KMT2C: variants seen among roughly 807,000 people sequenced by gnomAD.
KMT2C encodes the protein histone-lysine N-methyltransferase 2C.
In KMT2C, 88 loss-of-function variants were observed where a neutral mutation model predicts 507.9. The ratio of observed to expected loss-of-function variants is 0.17; its 90% CI spans 0.15 to 0.21. The LOEUF is 0.21. KMT2C is among the 10% of genes least tolerant of loss of function. The pLI is 1.00. For missense variants in KMT2C, 4,954 were observed against 5,957.8 expected (o/e 0.83, Z 5.55); for synonymous variants, 2,049 against 2,080.8 (o/e 0.98, Z 0.42).
rs773200648 is a variant in KMT2C at position 152,146,740 on chromosome 7, A to G, written c.13895-5T>C. Reference sequence around the variant, plus strand: ...CCAAAATCTTATCCCAGACACCTACACAGGGACAAAAACATAATTTTTATA... The same window carrying G: ...CCAAAATCTTATCCCAGACACCTACGCAGGGACAAAAACATAATTTTTATA... On this transcript the variant is annotated splice_polypyrimidine_tract_variant and splice_region_variant and intron_variant, in intron 52 of 58. Coordinates refer to ENST00000262189, the MANE Select transcript of KMT2C (RefSeq NM_170606.3). 6.2e-7 allele frequency: 1 copy of G among 1,613,080 alleles called. No individual in the cohort carries two copies. The highest frequency in any genetic ancestry group is 1.1e-5 in the South Asian group (1 of 91,072).
chr7:152,399,707 T>C (rs1477259844), intron 1 of KMT2C, among the ~76,000 whole-genome samples: 5 of 150,304 alleles, frequency 3.3e-5, no homozygotes, highest in Non-Finnish European at 1.5e-5. Context: ...TACAATAGAG[T>C]TGACAGGTAA....
rs1563813210 is a variant in KMT2C, at chr7:152,309,981, G to A, written c.834C>T (p.Val278=). 2.5e-6 allele frequency: 4 copies of A among 1,608,274 alleles called. No homozygotes were observed. Among genetic ancestry groups the A allele is most frequent in the Non-Finnish European group, 2.6e-6 (3 of 1,174,816 alleles). Residue 278 remains valine (V), a synonymous_variant, in exon 6 of 59, where the codon GTC becomes GTT. Coordinates refer to ENST00000262189, the MANE Select transcript of KMT2C (RefSeq NM_170606.3). Reference sequence around the variant, plus strand: ...GTCTACTTACTTCTGTGCTCCCTGAGACAACAGCTTTGTCCACGTTCACTA... The same window carrying A: ...GTCTACTTACTTCTGTGCTCCCTGAAACAACAGCTTTGTCCACGTTCACTA... The part of the protein sequence containing the change: ...PLLVNVDKAV[V]SGSTERCAFC...
rs2129118320 is a variant in KMT2C, at chr7:152,180,100, G to C, written c.7176C>G (p.Leu2392=). ...CAATCTTCTTCTGCTGTTGCTGCTG[G>C]AGAATGATTTCACGTAACTTCTGCC... The part of the protein sequence containing the change: ...RQRQKLREII[L]QQQQQKKIAG... The change falls in exon 37 of 59, where the codon CTC becomes CTG. Residue 2392 remains leucine (L), a synonymous_variant. Transcript: ENST00000262189. The C allele has an allele frequency of 6.2e-7, 1 of 1,614,174 alleles. No homozygotes were observed. The highest frequency in any genetic ancestry group is 8.5e-7 in the Non-Finnish European group (1 of 1,180,038).
At chr7:152,216,639 T>A (rs1008134284) in intron 23 of KMT2C, among the ~76,000 whole-genome samples, 6 of 152,206 alleles carry the variant, frequency 3.9e-5, no homozygotes, top group African/African-American at 1.4e-4. Flanking sequence ...TATATACTCT[T>A]TCATTATAAT....
intron 3 of KMT2C, among the ~76,000 whole-genome samples, chr7:152,323,633 T>C (rs2096791800): frequency 7.2e-6 from 1 of 138,278 alleles, no homozygotes; most frequent in Non-Finnish European, 1.5e-5. Context: ...AGTGACACCC[T>C]TTCAAAGAAA....
intron 1 of KMT2C, among the ~76,000 whole-genome samples, chr7:152,380,433 G>C (rs2097363689): frequency 1.3e-5 from 2 of 152,160 alleles, no homozygotes; most frequent in Admixed American, 1.3e-4. Context: ...CTGAGCATGG[G>C]GGCATGCGAC....
chr7:152,182,089 T>A lies in KMT2C; in HGVS notation c.5771A>T (p.Glu1924Val). The A allele has an allele frequency of 6.2e-7, 1 of 1,614,220 alleles. No individual in the cohort carries two copies. Among genetic ancestry groups the A allele is most frequent in the Non-Finnish European group, 8.5e-7 (1 of 1,180,024 alleles). The stretch of plus-strand genomic sequence containing the variant: ...TACCGATGATAAAGGTGTACAGTTT[T>A]CCACTGGTGCAGCAGAATTTCTTCT... ...FSRRNSAAPV[E>V]NCTPLSSVSR... The change falls in exon 36 of 59, where the codon GAA becomes GTA. Residue 1924 changes from glutamate to valine, a missense_variant. Around this residue, in one of 29 missense-constraint regions of KMT2C, gnomAD observed 1,689 missense variants for 1,654.3 expected, o/e 1.02. Transcript: ENST00000262189.
chr7:152,290,225 T>C (rs1271266921), intron 6 of KMT2C, among the ~76,000 whole-genome samples: 2 of 104,100 alleles, frequency 1.9e-5, no homozygotes, highest in African/African-American at 9.7e-5. Context: ...TATATATGTG[T>C]GTGTGTGTGT....
Position 152,212,762 on chromosome 7 carries a change from C to T in KMT2C, c.3713-5334G>A, listed in dbSNP as rs188770849. Among the ~76,000 whole-genome samples the T allele has an allele frequency of 5.8e-4, 88 of 152,290 alleles. No homozygotes were observed. The East Asian group carries it at 0.013, about 23-fold the overall frequency. On this transcript the variant is annotated intron_variant, in intron 23 of 58. Transcript: ENST00000262189. ...ACAAAAGAAACTAAAGACACACAGC[C>T]GGGCATGGTGGCTCACGCCTGTAAT...
At chr7:152,429,733 C>T (rs2097849942) in intron 1 of KMT2C, among the ~76,000 whole-genome samples, 1 of 151,434 alleles carries the variant, frequency 6.6e-6, no homozygotes, top group Non-Finnish European at 1.5e-5. Flanking sequence ...ATTGGCCAGG[C>T]TGGTCTCCCA....
At chr7:152,362,726 A>G (rs1017007165) in intron 1 of KMT2C, among the ~76,000 whole-genome samples, 1 of 152,146 alleles carries the variant, frequency 6.6e-6, no homozygotes, top group African/African-American at 2.4e-5. Flanking sequence ...TTGTTTTGGC[A>G]CAACTGGCTT....
Position 152,252,743 on chromosome 7 carries a change from AAC to A in KMT2C, c.1300-30_1300-29del, listed in dbSNP as rs751203101. On this transcript the variant is annotated intron_variant, in intron 9 of 58. Transcript: ENST00000262189. ...AAACACCAGGAAAAATAAAAACAAAAACAGTTTGTTATGCATTTGTAATTGTA... is the reference window on the plus strand; with the variant it reads ...AAACACCAGGAAAAATAAAAACAAAAAGTTTGTTATGCATTTGTAATTGTA... 8 of 1,535,586 alleles carry A rather than the reference AAC, an allele frequency of 5.2e-6. No individual in the cohort carries two copies. In the Admixed American group the frequency reaches 5.4e-5, roughly 10 times the overall value.
intron 6 of KMT2C, among the ~76,000 whole-genome samples, chr7:152,308,139 G>T (rs1335148181): frequency 6.6e-6 from 1 of 152,124 alleles, no homozygotes; most frequent in Non-Finnish European, 1.5e-5. Context: ...CAAGCACTCT[G>T]ACTTCACTAC....
At chr7:152,194,763 G>A (rs139301682) in intron 28 of KMT2C, among the ~76,000 whole-genome samples, 195 bp from the exon 29 acceptor site, 246 of 151,626 alleles carry the variant, frequency 1.6e-3, no homozygotes, top group Non-Finnish European at 2.6e-3. Flanking sequence ...ATTTGTATTC[G>A]GTGCCATGTA....
intron 6 of KMT2C, among the ~76,000 whole-genome samples, chr7:152,276,715 T>A (rs981089064): frequency 6.6e-6 from 1 of 151,688 alleles, no homozygotes; most frequent in Non-Finnish European, 1.5e-5. Flanking sequence ...ATCACGCTAC[T>A]GCACTCTAGC....
At chr7:152,434,452 T>G (rs1162696319) in intron 1 of KMT2C, among the ~76,000 whole-genome samples, 2 of 152,158 alleles carry the variant, frequency 1.3e-5, no homozygotes, top group African/African-American at 2.4e-5. Flanking sequence ...GCTACTATTT[T>G]TACTACAAAT....
intron 1 of KMT2C, among the ~76,000 whole-genome samples, chr7:152,364,756 GACAAC>G (rs1397855667): frequency 6.6e-6 from 1 of 151,902 alleles, no homozygotes; most frequent in East Asian, 1.9e-4. Flanking sequence ...TATGAAAAAT[GACAAC>G]ACAGCTACAG....
intron 58 of KMT2C, chr7:152,137,668 C>A (rs1587572550): frequency 6.6e-6 from 1 of 152,246 alleles, no homozygotes; most frequent in African/African-American, 2.4e-5. Context: ...TTTCAGGTAT[C>A]TGCTGAGTCC....
Position 152,219,788 on chromosome 7 carries a change from G to A in KMT2C, c.3712+735C>T, listed in dbSNP as rs577027443. The stretch of plus-strand genomic sequence containing the variant: ...AGGCTGAGCAGAGCAGATGGTTTGA[G>A]CCCAGGAGTTCCAGACCAGTCTGGG... On this transcript the variant is annotated intron_variant, in intron 23 of 58. Coordinates refer to ENST00000262189, the MANE Select transcript of KMT2C (RefSeq NM_170606.3). Among the ~76,000 whole-genome samples, 16 of 152,156 alleles carry A rather than the reference G, an allele frequency of 1.1e-4. 1 individual carries two copies. The South Asian group carries it at 3.3e-3, about 32-fold the overall frequency.
Sources: allele counts gnomAD v4.1 joint callset (sites outside exome capture counted in the v4.1 genomes callset), GRCh38; gene constraint gnomAD v4.1.1; regional missense constraint gnomAD v4.1.1; transcripts MANE v1.5; gene names NCBI Gene and HGNC (gene_info 2026-07-23, HGNC 2026-07-21).